The following ATM variants were observed in gnomAD, a reference collection of about 807,000 sequenced individuals.
ATM encodes the protein ATM serine/threonine kinase.
In ATM, 308 loss-of-function variants were observed where a neutral mutation model predicts 387.0. The ratio of observed to expected loss-of-function variants is 0.80; its 90% CI spans 0.73 to 0.87. The LOEUF is 0.87. ATM is among the 40% of genes least tolerant of loss of function. ATM has a pLI of 0.00. For synonymous variants in ATM, 1,156 were observed against 1,187.3 expected (o/e 0.97, Z 0.54); for missense variants, 3,312 against 3,560.9 (o/e 0.93, Z 1.78).
At chr11:108,288,832 T>C in intron 27 of ATM, 145 bp from the exon 28 acceptor site, 2 of 894,946 alleles carry the variant, frequency 2.2e-6, no homozygotes, top group Admixed American at 2.4e-5. Flanking sequence ...CATTTGTGAT[T>C]TTATTGAAAG....
In ATM at chr11:108,233,210, A is replaced by G. The variant is rs80252672; in HGVS notation, c.332-2460A>G. Among the ~76,000 whole-genome samples, 1,374 of 152,306 alleles carry G rather than the reference A, an allele frequency of 9.0e-3. 21 individuals are homozygous for G. The highest frequency in any genetic ancestry group is 0.031 in the African/African-American group (1,276 of 41,564). On this transcript the variant is annotated intron_variant, in intron 4 of 62. Coordinates refer to ENST00000675843, the MANE Select transcript of ATM (RefSeq NM_000051.4). ...TTGTCTGCTTTTGTACAAAGCTTAA[A>G]TAGAGTCTAGATAGTGCAAAACTCA...
intron 5 of ATM, among the ~76,000 whole-genome samples, chr11:108,241,239 C>T (rs1378842349): frequency 6.6e-6 from 1 of 152,094 alleles, no homozygotes; most frequent in Non-Finnish European, 1.5e-5. Context: ...TGAAATACCT[C>T]CTAAAGGACC....
intron 4 of ATM, among the ~76,000 whole-genome samples, chr11:108,235,311 A>T (rs1373872144): frequency 6.6e-6 from 1 of 151,950 alleles, no homozygotes; most frequent in Non-Finnish European, 1.5e-5. Context: ...AAAAAAAAAA[A>T]GAATGATTGT....
intron 57 of ATM, among the ~76,000 whole-genome samples, 157 bp downstream of exon 57, chr11:108,343,528 T>C (rs927437198): frequency 2.0e-5 from 3 of 152,216 alleles, no homozygotes; most frequent in Admixed American, 6.5e-5. Context: ...AATGAAAGTG[T>C]GTGAGTGAAA....
At chr11:108,236,162 G>A in intron 5 of ATM, 1 of 347,640 alleles carries the variant, frequency 2.9e-6, no homozygotes, top group Non-Finnish European at 5.5e-6. Context: ...AGACATATTT[G>A]GGTTCAGTAG....
intron 9 of ATM, among the ~76,000 whole-genome samples, chr11:108,250,313 C>A (rs1023621658): frequency 6.6e-6 from 1 of 151,912 alleles, no homozygotes; most frequent in African/African-American, 2.4e-5. Flanking sequence ...CCACCATGCC[C>A]GGCTAATTTT....
At chr11:108,248,423 A>T (rs2079959882) in intron 8 of ATM, among the ~76,000 whole-genome samples, 1 of 152,182 alleles carries the variant, frequency 6.6e-6, no homozygotes, top group Non-Finnish European at 1.5e-5. Context: ...ACTTGGTAAT[A>T]CCTGCTTTCT....
chr11:108,262,022 G>A (rs998689184), intron 16 of ATM, among the ~76,000 whole-genome samples: 10 of 152,212 alleles, frequency 6.6e-5, no homozygotes, highest in South Asian at 2.1e-4. Flanking sequence ...GCACCTGAAA[G>A]TAACGGGGAG....
rs587779820 is a variant in ATM, at chr11:108,257,563, A to G, written c.2333A>G (p.Asn778Ser). 8.7e-6 allele frequency: 14 copies of G among 1,613,972 alleles called. No homozygotes were observed. The highest frequency in any genetic ancestry group is 1.1e-5 in the Non-Finnish European group (13 of 1,180,046). ...NEEFRIGSLR[N>S]MMQLCTRCLS... is the part of the protein sequence containing the mutation. ...GAATTCAGAATTGGTTCCTTGAGAA[A>G]TATGATGCAGCTATGTACACGTTGC... is the stretch of plus-strand genomic sequence containing the variant. The change falls in exon 15 of 63, where the codon AAT becomes AGT. Residue 778 changes from asparagine (N) to serine (S), a missense_variant. By Grantham distance (46) the Asn-to-Ser change is conservative. Around this residue, in one of 4 missense-constraint regions of ATM, gnomAD observed 1,791 missense variants for 1,804.5 expected, o/e 0.99. Transcript: ENST00000675843.
chr11:108,232,953 C>A (rs1306812091), intron 4 of ATM, among the ~76,000 whole-genome samples: 1 of 152,116 alleles, frequency 6.6e-6, no homozygotes, highest in African/African-American at 2.4e-5. Flanking sequence ...ACCTCCGCCT[C>A]CCGGGCTCAA....
intron 61 of ATM, among the ~76,000 whole-genome samples, chr11:108,363,546 G>A (rs146587855): frequency 1.2e-4 from 18 of 152,290 alleles, no homozygotes; most frequent in Admixed American, 3.3e-4. Context: ...AATTGGGGAT[G>A]GGAGATGAGG....
At chr11:108,245,846 A>G (rs755265793) in intron 7 of ATM, among the ~76,000 whole-genome samples, 21 of 132,752 alleles carry the variant, frequency 1.6e-4, no homozygotes, top group African/African-American at 1.7e-4. Context: ...TTTTTTTGAG[A>G]CAGAGTCTCA....
At chr11:108,363,418 A>G (rs915881763) in intron 61 of ATM, among the ~76,000 whole-genome samples, 1 of 152,090 alleles carries the variant, frequency 6.6e-6, no homozygotes, top group African/African-American at 2.4e-5. Context: ...CTCCTCTAAG[A>G]TTTTATGTGT....
intron 5 of ATM, among the ~76,000 whole-genome samples, chr11:108,242,113 C>T (rs1007460970): frequency 6.0e-5 from 9 of 150,846 alleles, no homozygotes; most frequent in African/African-American, 1.5e-4. Flanking sequence ...GTGAGACTTC[C>T]GTCTCTTAAA....
intron 4 of ATM, among the ~76,000 whole-genome samples, chr11:108,234,325 A>C (rs1300201506): frequency 6.6e-6 from 1 of 152,236 alleles, no homozygotes; most frequent in Admixed American, 6.5e-5. Flanking sequence ...TCATATTTAC[A>C]TGAGTTGTGT....
intron 32 of ATM, among the ~76,000 whole-genome samples, chr11:108,296,290 G>A (rs977837365): frequency 5.3e-5 from 8 of 150,080 alleles, no homozygotes; most frequent in African/African-American, 1.2e-4. Context: ...TCACTCTGTC[G>A]CCCAGGTTGG....
intron 61 of ATM, among the ~76,000 whole-genome samples, chr11:108,360,458 C>A (rs1336820774): frequency 8.4e-6 from 1 of 119,676 alleles, no homozygotes. Context: ...AGGCCAGCAT[C>A]ATTCTGATAC....
rs901284125 is a variant in ATM, at chr11:108,365,415, C to T, written c.9078C>T (p.Leu3026=). The T allele has an allele frequency of 2.5e-6, 4 of 1,614,160 alleles. No homozygotes were observed. The highest frequency in any genetic ancestry group is 3.4e-6 in the Non-Finnish European group (4 of 1,180,026). Residue 3026 remains leucine, a synonymous_variant, in exon 63 of 63, where the codon CTC becomes CTT. Transcript: ENST00000675843. The part of the protein sequence containing the change: ...KLKGVEEGTV[L]SVGGQVNLLI... ...AAGGAGTGGAAGAAGGCACTGTGCT[C>T]AGTGTTGGTGGACAAGTGAATTTGC...
intron 38 of ATM, among the ~76,000 whole-genome samples, chr11:108,309,891 C>G (rs1439628064): frequency 6.6e-6 from 1 of 151,936 alleles, no homozygotes; most frequent in Non-Finnish European, 1.5e-5. Context: ...ATATGAACCC[C>G]AATTTTGTAT....
Sources: gnomAD v4.1 joint callset for allele counts (sites outside exome capture counted in the v4.1 genomes callset) on GRCh38, gnomAD v4.1.1 for gene constraint, gnomAD v4.1.1 regional missense constraint, MANE v1.5 for transcripts, NCBI Gene and HGNC (gene_info 2026-07-23, HGNC 2026-07-21) for gene names.